Variants in GDPD5 observed in about 807,000 individuals in gnomAD.
GDPD5 encodes the protein glycerophosphodiester phosphodiesterase 2.
GDPD5 carries 48 observed loss-of-function variants against 75.1 expected under a neutral mutation model. The observed-to-expected ratio is 0.64, with a 90% CI of 0.51 to 0.81. The LOEUF (loss-of-function observed/expected upper bound fraction) is 0.81. Ranked by LOEUF, GDPD5 falls within the 40% of genes least tolerant of loss-of-function variation. The pLI, the probability that GDPD5 is intolerant of heterozygous loss-of-function variation, is 0.00. For missense variants in GDPD5, 706 were observed against 822.6 expected (o/e 0.86, Z 1.73); for synonymous variants, 336 against 339.0 (o/e 0.99, Z 0.10).
chr11:75,522,685 T>C (rs1478207978), intron 1 of GDPD5, among the ~76,000 whole-genome samples: 4 of 152,058 alleles, frequency 2.6e-5, no homozygotes, highest in African/African-American at 7.2e-5. Flanking sequence ...TATCCAAGAC[T>C]GCTAACAGCA....
At chr11:75,490,959 T>C (rs377661727) in intron 1 of GDPD5, among the ~76,000 whole-genome samples, 21 of 152,106 alleles carry the variant, frequency 1.4e-4, no homozygotes, top group Middle Eastern at 3.2e-3. Flanking sequence ...CAGACCAGCA[T>C]TGCAGGCTTC....
intron 2 of GDPD5, among the ~76,000 whole-genome samples, chr11:75,489,680 G>A (rs1950075879): frequency 1.3e-5 from 2 of 152,102 alleles, no homozygotes; most frequent in South Asian, 4.1e-4. Context: ...GTTTAATGCT[G>A]GGCTCTTGAG....
chr11:75,486,798 G>A lies in GDPD5; in HGVS notation c.-61+3439C>T, dbSNP rs1451586214. Among the ~76,000 whole-genome samples, 2 of 152,312 alleles carry A rather than the reference G, an allele frequency of 1.3e-5. 1 individual carries two copies. Among genetic ancestry groups the A allele is most frequent in the Admixed American group, 1.3e-4 (2 of 15,300 alleles). On this transcript the variant is annotated intron_variant, in intron 2 of 16. Transcript: ENST00000336898. The stretch of plus-strand genomic sequence containing the variant: ...TGTGTTTCCTGACCACTGTGTAGGG[G>A]CTTCCAGGAGATGGTGAGATCTATG...
At chr11:75,510,065 G>A (rs1790307) in intron 1 of GDPD5, among the ~76,000 whole-genome samples, 111,329 of 152,186 alleles carry the variant, frequency 0.73, 43,060 homozygotes, top group Middle Eastern at 0.86. Flanking sequence ...TCCCAGTCAC[G>A]GGACACCAAG....
At chr11:75,488,578 G>A (rs1184922455) in intron 2 of GDPD5, among the ~76,000 whole-genome samples, 1 of 152,060 alleles carries the variant, frequency 6.6e-6, no homozygotes, top group Non-Finnish European at 1.5e-5. Context: ...CACCTACCCA[G>A]CTTTCCCACC....
intron 3 of GDPD5, among the ~76,000 whole-genome samples, chr11:75,468,466 TG>T (rs1242345076): frequency 6.6e-6 from 1 of 152,210 alleles, no homozygotes; most frequent in Non-Finnish European, 1.5e-5. Flanking sequence ...AACGGAAGGC[TG>T]GGTTGAGGGA....
intron 3 of GDPD5, among the ~76,000 whole-genome samples, chr11:75,473,555 C>T (rs1181273972): frequency 6.6e-6 from 1 of 152,142 alleles, no homozygotes; most frequent in Non-Finnish European, 1.5e-5. Context: ...CCTCCCACCT[C>T]CACCTGAGGG....
At chr11:75,475,751 A>T (rs576035693) in intron 3 of GDPD5, among the ~76,000 whole-genome samples, 17 of 152,144 alleles carry the variant, frequency 1.1e-4, no homozygotes, top group Non-Finnish European at 1.6e-4. Context: ...TGCCACCCAG[A>T]GCTGCTGTAA....
chr11:75,490,004 C>G (rs1394231266), intron 2 of GDPD5, among the ~76,000 whole-genome samples: 3 of 152,198 alleles, frequency 2.0e-5, no homozygotes, highest in African/African-American at 7.2e-5. Context: ...CAGGGATAAC[C>G]ATGGCATCAG....
chr11:75,482,845 C>T (rs528433521), intron 2 of GDPD5, among the ~76,000 whole-genome samples: 5 of 152,304 alleles, frequency 3.3e-5, no homozygotes, highest in South Asian at 4.1e-4. Flanking sequence ...GTGAGAGCAC[C>T]GTGGACATGC....
intron 1 of GDPD5, among the ~76,000 whole-genome samples, chr11:75,492,028 C>T (rs941643113): frequency 6.6e-6 from 1 of 152,168 alleles, no homozygotes; most frequent in African/African-American, 2.4e-5. Flanking sequence ...GCTCCTTCCA[C>T]CACACCTTAC....
At chr11:75,496,012 C>T (rs1399298928) in intron 1 of GDPD5, among the ~76,000 whole-genome samples, 8 of 152,224 alleles carry the variant, frequency 5.3e-5, no homozygotes, top group African/African-American at 1.9e-4. Context: ...CAAATTTCCT[C>T]AGGGGCAGTG....
chr11:75,484,145 G>T (rs538540716), intron 2 of GDPD5, among the ~76,000 whole-genome samples: 1 of 152,166 alleles, frequency 6.6e-6, no homozygotes, highest in Non-Finnish European at 1.5e-5. Flanking sequence ...CTGAGATGGC[G>T]CCACTGCACT....
In GDPD5 at chr11:75,456,821, G is replaced by A. The variant is rs1254567039; in HGVS notation, c.316-5C>T. 1 of 1,614,046 alleles carries A rather than the reference G, an allele frequency of 6.2e-7. No homozygotes were observed. Among genetic ancestry groups the A allele is most frequent in the Non-Finnish European group, 8.5e-7 (1 of 1,179,984 alleles). ...AATGTGACATAGTGCCAGGACCTGA[G>A]GAGGGACCCACAGGGTGATTGTCAG... On this transcript the variant is annotated splice_region_variant and splice_polypyrimidine_tract_variant and intron_variant, in intron 5 of 16. Coordinates refer to ENST00000336898, the MANE Select transcript of GDPD5 (RefSeq NM_030792.8).
intron 2 of GDPD5, among the ~76,000 whole-genome samples, chr11:75,481,750 G>C (rs1790154): frequency 6.6e-6 from 1 of 151,708 alleles, no homozygotes; most frequent in African/African-American, 2.4e-5. Context: ...GTTCTCTACT[G>C]TCATGTCAGC....
intron 15 of GDPD5, chr11:75,439,484 T>C (rs1334861281): frequency 2.5e-6 from 1 of 404,382 alleles, no homozygotes; most frequent in Middle Eastern, 7.0e-4. Context: ...GGTTCCTGGC[T>C]GGGTGGGGGC....
At chr11:75,491,965 A>G (rs755608762) in intron 1 of GDPD5, among the ~76,000 whole-genome samples, 4 of 152,182 alleles carry the variant, frequency 2.6e-5, no homozygotes, top group Non-Finnish European at 5.9e-5. Context: ...GAAAACTGAA[A>G]TGACCACCAG....
At chr11:75,463,581 C>G (rs1165431784) in intron 3 of GDPD5, among the ~76,000 whole-genome samples, 1 of 152,162 alleles carries the variant, frequency 6.6e-6, no homozygotes, top group East Asian at 1.9e-4. Context: ...GCACAAAAAG[C>G]TTGGAATATC....
chr11:75,521,645 C>T (rs934464202), intron 1 of GDPD5, among the ~76,000 whole-genome samples: 8 of 152,160 alleles, frequency 5.3e-5, no homozygotes, highest in South Asian at 2.1e-4. Context: ...TTATTTTTTA[C>T]TATTACTGCT....
Sources: allele counts gnomAD v4.1 joint callset (sites outside exome capture counted in the v4.1 genomes callset), GRCh38; gene constraint gnomAD v4.1.1; transcripts MANE v1.5; gene names NCBI Gene and HGNC (gene_info 2026-07-23, HGNC 2026-07-21).